The following CREBRF variants were observed in gnomAD, a reference collection of about 807,000 sequenced individuals.
The protein encoded by CREBRF is UPF0474 protein C5orf41.
A neutral mutation model predicts 66.1 loss-of-function variants in CREBRF; 5 were observed. The ratio of observed to expected loss-of-function variants is 0.08; its 90% CI spans 0.04 to 0.16. The LOEUF (loss-of-function observed/expected upper bound fraction) is 0.16, where lower values mean the gene tolerates loss of function less well. CREBRF is among the 10% of genes least tolerant of loss of function. CREBRF has a pLI of 1.00. For synonymous variants in CREBRF, 229 were observed against 264.4 expected, an observed-to-expected ratio of 0.87 and a Z score of 1.30; for missense variants, 531 against 744.9, an observed-to-expected ratio of 0.71 and a Z score of 3.34.
Position 173,086,545 on chromosome 5 carries a change from A to G in CREBRF, c.54A>G (p.Arg18=), listed in dbSNP as rs1758154647. The change falls in exon 3 of 9, where the codon CGA becomes CGG. Residue 18 remains arginine, a synonymous_variant. Transcript: ENST00000296953. ...ATCCGCCTTTCGGGGATGCCTTTCG[A>G]AGCCACACCTTTTCGGAACAAACTC... ...GMDPPFGDAF[R]SHTFSEQTLM... is the part of the protein sequence containing the mutation. 6.2e-7 allele frequency: 1 copy of G among 1,614,032 alleles called. No individual in the cohort carries two copies. Among genetic ancestry groups the G allele is most frequent in the Admixed American group, 1.7e-5 (1 of 59,996 alleles).
intron 4 of CREBRF, among the ~76,000 whole-genome samples, chr5:173,101,107 G>C (rs193058245): frequency 5.5e-4 from 84 of 152,174 alleles, no homozygotes; most frequent in African/African-American, 1.9e-3. Flanking sequence ...TCTTGCTCAG[G>C]CTAGAGTGCA....
At chr5:173,111,947 G>A (rs1457459782) in intron 6 of CREBRF, among the ~76,000 whole-genome samples, 1 of 152,090 alleles carries the variant, frequency 6.6e-6, no homozygotes, top group African/African-American at 2.4e-5. Context: ...ACTTTAATAG[G>A]TGTGTGCTGA....
intron 2 of CREBRF, 112 bp from the exon 3 acceptor site, chr5:173,086,389 T>A (rs1053808083): frequency 2.1e-6 from 2 of 957,236 alleles, no homozygotes; most frequent in Admixed American, 4.5e-5. Flanking sequence ...AGTATAGAAA[T>A]GTTTTCTGAA....
At chr5:173,056,867 A>G (rs909170130) in intron 1 of CREBRF, among the ~76,000 whole-genome samples, 1 of 143,006 alleles carries the variant, frequency 7.0e-6, no homozygotes, top group Non-Finnish European at 1.5e-5. Flanking sequence ...TCGGCCTGTC[A>G]GAGAAGAGAG....
intron 1 of CREBRF, among the ~76,000 whole-genome samples, chr5:173,071,008 G>T (rs565971453): frequency 6.6e-6 from 1 of 152,192 alleles, no homozygotes; most frequent in Non-Finnish European, 1.5e-5. Context: ...GTCACAGTCT[G>T]GTAGTGGAAG....
At chr5:173,112,527 C>T (rs565112338) in intron 7 of CREBRF, 148 bp downstream of exon 7, 24 of 521,140 alleles carry the variant, frequency 4.6e-5, no homozygotes, top group Non-Finnish European at 7.6e-5. Context: ...AAGCCACATG[C>T]TCACTTTCCT....
At chr5:173,120,358 A>G (rs1759109884) in intron 7 of CREBRF, among the ~76,000 whole-genome samples, 1 of 151,214 alleles carries the variant, frequency 6.6e-6, no homozygotes, top group African/African-American at 2.4e-5. Context: ...TTCTTCTTGT[A>G]TGGATTTTCT....
chr5:173,070,721 T>C (rs1757574071), intron 1 of CREBRF, among the ~76,000 whole-genome samples: 1 of 152,166 alleles, frequency 6.6e-6, no homozygotes, highest in African/African-American at 2.4e-5. Flanking sequence ...TTTTACTATA[T>C]GATACTACAG....
intron 1 of CREBRF, among the ~76,000 whole-genome samples, chr5:173,059,265 C>CTTTTTTTTTTTTTTTTTTT (rs60946984): frequency 1.5e-5 from 1 of 65,584 alleles, no homozygotes; most frequent in Non-Finnish European, 4.0e-5. Context: ...TCTTTTTTTT[C>CTTTTTTTTTTTTTTTTTTT]TTTTTTTTTT....
At chr5:173,086,952 T>G (rs1758168120) in intron 3 of CREBRF, among the ~76,000 whole-genome samples, 3 of 150,324 alleles carry the variant, frequency 2.0e-5, no homozygotes, top group Admixed American at 6.6e-5. Flanking sequence ...AATTTTGTTT[T>G]TTTTTTTTTT....
intron 1 of CREBRF, among the ~76,000 whole-genome samples, chr5:173,079,277 T>C (rs1023858798): frequency 9.2e-5 from 14 of 151,986 alleles, no homozygotes; most frequent in African/African-American, 3.1e-4. Context: ...TGAATTATAG[T>C]CAGTTTATTA....
At chr5:173,112,498 A>G (rs1460540622) in intron 7 of CREBRF, 119 bp downstream of exon 7, 2 of 636,460 alleles carry the variant, frequency 3.1e-6, no homozygotes, top group Non-Finnish European at 5.4e-6. Context: ...CTAGCCTCCT[A>G]TTTGTTTATC....
At chr5:173,100,809 C>G (rs1382011622) in intron 4 of CREBRF, among the ~76,000 whole-genome samples, 3 of 152,128 alleles carry the variant, frequency 2.0e-5, no homozygotes, top group African/African-American at 7.2e-5. Flanking sequence ...TGAAGCAGTC[C>G]TACTGGTGAT....
intron 1 of CREBRF, among the ~76,000 whole-genome samples, chr5:173,070,875 G>A (rs943814899): frequency 2.6e-5 from 4 of 152,118 alleles, no homozygotes; most frequent in Non-Finnish European, 4.4e-5. Flanking sequence ...AGAAGGACAT[G>A]TGGTCTTAGG....
intron 4 of CREBRF, among the ~76,000 whole-genome samples, chr5:173,097,005 T>C (rs1411192643): frequency 6.6e-6 from 1 of 152,180 alleles, no homozygotes; most frequent in East Asian, 1.9e-4. Flanking sequence ...CATGGCTTGC[T>C]AGTATTTTGT....
Position 173,108,830 on chromosome 5 carries a change from T to C in CREBRF, c.1417+12T>C. The C allele has an allele frequency of 1.2e-6, 2 of 1,606,512 alleles. No individual in the cohort carries two copies. Among genetic ancestry groups the C allele is most frequent in the South Asian group, 2.2e-5 (2 of 90,076 alleles). On this transcript the variant is annotated intron_variant, in intron 5 of 8. Coordinates refer to ENST00000296953, the MANE Select transcript of CREBRF (RefSeq NM_153607.3). ...TGGCTTACATCATGGTAAGAGGGGA[T>C]TGCAGTCAGATATTTAGTGTCACTT...
intron 3 of CREBRF, among the ~76,000 whole-genome samples, chr5:173,089,049 C>T (rs1051926389): frequency 2.0e-5 from 3 of 151,596 alleles, no homozygotes; most frequent in Middle Eastern, 3.2e-3. Flanking sequence ...CATGGTGGCA[C>T]GTGCCTGTAA....
rs750439324 is a variant in CREBRF, at chr5:173,133,620, T to TTC, written c.1805-6_1805-5dup. The TTC allele has an allele frequency of 2.6e-6, 4 of 1,535,950 alleles. No homozygotes were observed. The highest frequency in any genetic ancestry group is 1.7e-5 in the Admixed American group (1 of 58,324). Reference sequence around the variant, plus strand: ...TTGTGTCTAGATGTGCCTTTTATTCTTCTCTTCAGGTCTACCAGTTGCTGG... The same window carrying TTC: ...TTGTGTCTAGATGTGCCTTTTATTCTTCTCTCTTCAGGTCTACCAGTTGCTGG... On this transcript the variant is annotated splice_polypyrimidine_tract_variant and intron_variant, in intron 8 of 8. Transcript: ENST00000296953.
At chr5:173,080,368 C>T (rs1411793094) in intron 1 of CREBRF, among the ~76,000 whole-genome samples, 1 of 149,348 alleles carries the variant, frequency 6.7e-6, no homozygotes, top group Admixed American at 6.7e-5. Context: ...TGGTTATTGA[C>T]CAGCTCTATT....
Sources: gnomAD v4.1 joint callset for allele counts (sites outside exome capture counted in the v4.1 genomes callset) on GRCh38, gnomAD v4.1.1 for gene constraint, MANE v1.5 for transcripts, NCBI Gene and HGNC (gene_info 2026-07-23, HGNC 2026-07-21) for gene names.